DYNC2I1: variants seen among roughly 807,000 people sequenced by gnomAD.
The protein encoded by DYNC2I1 is cytoplasmic dynein 2 intermediate chain 1.
DYNC2I1 carries 89 observed loss-of-function variants against 133.4 expected under a neutral mutation model. That is an observed-to-expected ratio of 0.67 (90% CI 0.56 to 0.80). The LOEUF is 0.80. DYNC2I1 is among the 30% of genes least tolerant of loss of function. DYNC2I1 has a pLI of 0.00. For missense variants in DYNC2I1, 1,291 were observed against 1,314.5 expected, an observed-to-expected ratio of 0.98 and a Z score of 0.28; for synonymous variants, 504 against 484.3, an observed-to-expected ratio of 1.04 and a Z score of -0.54.
Position 158,911,977 on chromosome 7 carries a change from GTTTTA to G in DYNC2I1, c.1590+302_1590+306del, listed in dbSNP as rs548376139. Among the ~76,000 whole-genome samples, 214 of 152,252 alleles carry G rather than the reference GTTTTA, an allele frequency of 1.4e-3. 1 individual carries two copies. Among genetic ancestry groups the G allele is most frequent in the South Asian group, 0.013 (61 of 4,822 alleles). ...GAGTGAAGCTTTATGCTGTGCAAAT[GTTTTA>G]TTTATTTATTTAGAGACAGTCTCAC... On this transcript the variant is annotated intron_variant, in intron 12 of 24. Coordinates refer to ENST00000407559, the MANE Select transcript of DYNC2I1 (RefSeq NM_018051.5).
At chr7:158,865,391 A>G (rs1842318142) in intron 1 of DYNC2I1, among the ~76,000 whole-genome samples, 1 of 152,216 alleles carries the variant, frequency 6.6e-6, no homozygotes, top group Admixed American at 6.5e-5. Context: ...ACAGTTCTCA[A>G]TAGAATTTTG....
chr7:158,884,418 A>G (rs1474950868), intron 5 of DYNC2I1, 146 bp from the exon 6 acceptor site: 1 of 605,134 alleles, frequency 1.7e-6, no homozygotes, highest in East Asian at 3.1e-5. Context: ...AATAACTGGT[A>G]AAAATAGTTA....
rs143343852 is a variant in DYNC2I1 at position 158,926,765 on chromosome 7, G to A, written c.2434-227G>A. 1.2e-3 allele frequency among the ~76,000 whole-genome samples: 176 copies of A among 152,296 alleles called. 1 individual carries two copies. The highest frequency in any genetic ancestry group is 4.0e-3 in the African/African-American group (167 of 41,566). On this transcript the variant is annotated intron_variant, in intron 19 of 24. Transcript: ENST00000407559. ...TGGATTGGCTTGTCCTGGAGGATGC[G>A]CCAAGACTGTTGATTAAGTCACCAA... is the stretch of plus-strand genomic sequence containing the variant.
At chr7:158,859,920 A>T (rs1056934422) in intron 1 of DYNC2I1, among the ~76,000 whole-genome samples, 1 of 152,250 alleles carries the variant, frequency 6.6e-6, no homozygotes, top group Non-Finnish European at 1.5e-5. Context: ...CCCATGGGTC[A>T]TTAGAATCTA....
At chr7:158,929,435 C>T (rs1023479559) in intron 20 of DYNC2I1, among the ~76,000 whole-genome samples, 16 of 149,104 alleles carry the variant, frequency 1.1e-4, no homozygotes, top group African/African-American at 3.5e-4. Flanking sequence ...GGGGCCCAGT[C>T]GGAAAGGGCC....
At chr7:158,869,602 C>T in intron 1 of DYNC2I1, 1 of 521,336 alleles carries the variant, frequency 1.9e-6, no homozygotes, top group South Asian at 1.9e-5. Context: ...CTTGTTTTCA[C>T]TTTTATTTTA....
the DYNC2I1 span, among the ~76,000 whole-genome samples, chr7:158,851,477 G>A: frequency 1.3e-5 from 2 of 151,962 alleles, no homozygotes; most frequent in South Asian, 2.1e-4. Context: ...AGCTGAAATT[G>A]CACCATTGTA....
intron 8 of DYNC2I1, among the ~76,000 whole-genome samples, chr7:158,900,373 C>T (rs868057531): frequency 2.8e-4 from 42 of 152,174 alleles, no homozygotes; most frequent in Middle Eastern, 3.4e-3. Flanking sequence ...CCACCTGCCT[C>T]GGCCTCCCAA....
At chr7:158,850,609 A>G in the DYNC2I1 span, among the ~76,000 whole-genome samples, 2 of 152,194 alleles carry the variant, frequency 1.3e-5, no homozygotes, top group African/African-American at 4.8e-5. Context: ...AGAAGCTGGA[A>G]TGTTGCTCGG....
chr7:158,951,412 C>T (rs181318668), intron 4 of DYNC2I1, among the ~76,000 whole-genome samples: 36 of 152,342 alleles, frequency 2.4e-4, no homozygotes, highest in Non-Finnish European at 3.7e-4. Flanking sequence ...GAAGCAAAGA[C>T]GGGCAGGGAG....
At position 158,871,611 on chromosome 7, in the gene DYNC2I1, C is replaced by A. The variant is rs1584977639; in HGVS notation, c.490+49C>A. 5 of 1,340,776 alleles carry A rather than the reference C, an allele frequency of 3.7e-6. No homozygotes were observed. The African/African-American group carries it at 7.2e-5, about 19-fold the overall frequency. The allele number at this position is 1,340,776 out of a possible 1,614,324, so 83.1% of individuals were successfully genotyped here. A position where few individuals can be genotyped will look rare whatever the true frequency, so the allele number is the denominator to read the frequency against. ...TGGTTCCACCCGAGGTGCCGCGTCG[C>A]TGCTGGTGACAGGTTGATAGCTCGC... On this transcript the variant is annotated intron_variant, in intron 3 of 24. Coordinates refer to ENST00000407559, the MANE Select transcript of DYNC2I1 (RefSeq NM_018051.5).
intron 15 of DYNC2I1, among the ~76,000 whole-genome samples, chr7:158,922,055 T>A (rs1849153237): frequency 1.3e-5 from 2 of 152,210 alleles, no homozygotes; most frequent in Admixed American, 1.3e-4. Context: ...CCAGGCGCAC[T>A]GCATTACCTC....
intron 1 of DYNC2I1, among the ~76,000 whole-genome samples, chr7:158,863,656 C>CT (rs1243685161): frequency 5.8e-5 from 1 of 17,306 alleles, no homozygotes; most frequent in East Asian, 4.8e-3. Context: ...ACGTCCTTAG[C>CT]TGGGGGGGGG....
intron 1 of DYNC2I1, among the ~76,000 whole-genome samples, chr7:158,858,903 TCTCCC>T (rs1175619118): frequency 5.1e-5 from 1 of 19,764 alleles, no homozygotes; most frequent in African/African-American, 2.6e-4. Flanking sequence ...CTTCTCCTCC[TCTCCC>T]CTCCCCTCTC....
chr7:158,887,120 G>T, intron 7 of DYNC2I1, 45 bp downstream of exon 7: 1 of 1,568,066 alleles, frequency 6.4e-7, no homozygotes, highest in Non-Finnish European at 8.8e-7. Context: ...ATGGTACATT[G>T]AGATTAACCA....
At chr7:158,902,865 G>T in intron 10 of DYNC2I1, 1 of 416,216 alleles carries the variant, frequency 2.4e-6, no homozygotes, top group East Asian at 4.2e-5. Context: ...GGGTGCCGTG[G>T]CCCCACTCAG....
chr7:158,861,725 G>C (rs1841884629), intron 1 of DYNC2I1, among the ~76,000 whole-genome samples: 1 of 152,248 alleles, frequency 6.6e-6, no homozygotes, highest in Non-Finnish European at 1.5e-5. Context: ...ATGGAGTACA[G>C]AGTGTTAGAA....
At chr7:158,892,356 C>T (rs1412506891) in intron 8 of DYNC2I1, among the ~76,000 whole-genome samples, 1 of 152,106 alleles carries the variant, frequency 6.6e-6, no homozygotes, top group African/African-American at 2.4e-5. Flanking sequence ...TATAATGTAC[C>T]ATGACTTTAT....
chr7:158,863,997 G>T (rs1842165646), intron 1 of DYNC2I1, among the ~76,000 whole-genome samples: 1 of 142,018 alleles, frequency 7.0e-6, no homozygotes, highest in Admixed American at 7.0e-5. Context: ...GTCCTTAGCT[G>T]CGGATGTGGG....
Sources: allele counts gnomAD v4.1 joint callset (sites outside exome capture counted in the v4.1 genomes callset), GRCh38; gene constraint gnomAD v4.1.1; transcripts MANE v1.5; gene names NCBI Gene and HGNC (gene_info 2026-07-23, HGNC 2026-07-21).